ADGRF4: variants seen among roughly 807,000 people sequenced by gnomAD.
ADGRF4 encodes adhesion G protein-coupled receptor F4.
In ADGRF4, 63 loss-of-function variants were observed where a neutral mutation model predicts 58.5. The observed-to-expected ratio is 1.08, with a 90% confidence interval of 0.88 to 1.33. The LOEUF is 1.33. Ranked by LOEUF, ADGRF4 falls within the 40% of genes most tolerant of loss-of-function variation. The pLI, the probability that ADGRF4 is intolerant of heterozygous loss-of-function variation, is 0.00. For synonymous variants in ADGRF4, 313 were observed against 295.4 expected, an observed-to-expected ratio of 1.06 and a Z score of -0.61; for missense variants, 931 against 843.9, an observed-to-expected ratio of 1.10 and a Z score of -1.28.
rs1771845067 is a variant in ADGRF4 at position 47,710,861 on chromosome 6, G to A, written c.275G>A (p.Ser92Asn). 6.2e-7 allele frequency: 1 copy of A among 1,612,948 alleles called. No individual in the cohort carries two copies. The highest frequency in any genetic ancestry group is 8.5e-7 in the Non-Finnish European group (1 of 1,179,726). The change falls in exon 4 of 10, where the codon AGC (serine) becomes AAC (asparagine). Residue 92 changes from serine (S) to asparagine (N), a missense_variant. Physicochemically the swap from Ser to Asn is conservative, Grantham distance 46 (BLOSUM62 1). Transcript: ENST00000283303. Reference protein sequence around the residue: ...KWQKSAETCTSLSVEKLFKDS... With the variant: ...KWQKSAETCTNLSVEKLFKDS... ...CAAAAATCAGCTGAAACATGTACAA[G>A]CCTTTCTGTGGAAAAACTCTTTAAG...
chr6:47,715,141 G>A lies in ADGRF4; in HGVS notation c.1896G>A (p.Thr632=), dbSNP rs143358337. 6.1e-5 allele frequency: 97 copies of A among 1,592,672 alleles called. No individual in the cohort carries two copies. Among genetic ancestry groups the A allele is most frequent in the South Asian group, 1.0e-4 (9 of 90,172 alleles). ...CTCTCATAGAAGGCACTTCCTTGAC[G>A]TTCCATATAATTTTTGCCTTGCTCA... is the stretch of plus-strand genomic sequence containing the variant. The part of the protein sequence containing the change: ...IATLIEGTSL[T]FHIIFALLNA... Residue 632 remains threonine (T), a synonymous_variant, in exon 6 of 10, where the codon ACG becomes ACA. Coordinates refer to ENST00000283303, the MANE Select transcript of ADGRF4 (RefSeq NM_153838.5).
chr6:47,708,123 C>T, intron 2 of ADGRF4, 101 bp from the exon 3 acceptor site: 1 of 843,736 alleles, frequency 1.2e-6, no homozygotes, highest in Non-Finnish European at 1.9e-6. Flanking sequence ...CTTTCTAGTC[C>T]TGAACACATT....
intron 1 of ADGRF4, among the ~76,000 whole-genome samples, chr6:47,705,025 T>C (rs1409150505): frequency 6.6e-6 from 1 of 152,100 alleles, no homozygotes; most frequent in Non-Finnish European, 1.5e-5. Context: ...GTCTCCAGGG[T>C]TTCAGCGATT....
chr6:47,715,068 C>T lies in ADGRF4; in HGVS notation c.1823C>T (p.Ala608Val). 1 of 1,612,986 alleles carries T rather than the reference C, an allele frequency of 6.2e-7. No individual in the cohort carries two copies. The highest frequency in any genetic ancestry group is 8.5e-7 in the Non-Finnish European group (1 of 1,179,032). The change falls in exon 6 of 10, where the codon GCC becomes GTC. Residue 608 changes from alanine (A) to valine (V), a missense_variant. By Grantham distance (64) the Ala-to-Val change is moderately conservative. Coordinates refer to ENST00000283303, the MANE Select transcript of ADGRF4 (RefSeq NM_153838.5). ...ATTATGAGGATCAGCAAAAATGTTG[C>T]CATCCTCACTCCACTGCTGGGACTG... is the stretch of plus-strand genomic sequence containing the variant. ...VIIMRISKNV[A>V]ILTPLLGLTW... is the part of the protein sequence containing the mutation.
At position 47,698,671 on chromosome 6, in the gene ADGRF4, C is replaced by A. The variant is rs1771517379; in HGVS notation, c.-140C>A. ...CAAAAATGGAGAAGACAGATCACAGCCACTGACCAGGGACCGTGGGAGGTG... is the reference window on the plus strand; with the variant it reads ...CAAAAATGGAGAAGACAGATCACAGACACTGACCAGGGACCGTGGGAGGTG... On this transcript the variant is annotated 5_prime_UTR_variant, in exon 1 of 10. Coordinates refer to ENST00000283303, the MANE Select transcript of ADGRF4 (RefSeq NM_153838.5). 1 of 152,208 alleles carries A rather than the reference C, an allele frequency of 6.6e-6. No homozygotes were observed. Among genetic ancestry groups the A allele is most frequent in the Non-Finnish European group, 1.5e-5 (1 of 68,060 alleles). The allele number at this position is 152,208 out of a possible 1,614,324, so 9.4% of individuals were successfully genotyped here.
chr6:47,705,060 C>G (rs1196540768), intron 1 of ADGRF4, among the ~76,000 whole-genome samples: 1 of 152,116 alleles, frequency 6.6e-6, no homozygotes, highest in Non-Finnish European at 1.5e-5. Context: ...TCCAGAGTAG[C>G]TGGGACTACA....
In ADGRF4 at chr6:47,721,058, G is replaced by A. The variant is rs568230065; in HGVS notation, c.*4-151G>A. 3.3e-5 allele frequency among the ~76,000 whole-genome samples: 5 copies of A among 152,292 alleles called. No homozygotes were observed. In the South Asian group the frequency reaches 6.2e-4, roughly 19 times the overall value. ...TCTGACCTTGAGGAAATTACTCAAC[G>A]GCTCTGTGCTTCATTTCGTCTTCTG... On this transcript the variant is annotated intron_variant, in intron 9 of 9. Coordinates refer to ENST00000283303, the MANE Select transcript of ADGRF4 (RefSeq NM_153838.5).
intron 1 of ADGRF4, among the ~76,000 whole-genome samples, chr6:47,701,482 A>T (rs1402190803): frequency 6.6e-6 from 1 of 152,214 alleles, no homozygotes; most frequent in Admixed American, 6.5e-5. Flanking sequence ...AGCTGCCCTT[A>T]TTGGGTGACT....
In ADGRF4 at chr6:47,714,316, G is replaced by A; in HGVS notation, c.1071G>A (p.Arg357=). The change falls in exon 6 of 10, where the codon AGG becomes AGA. Residue 357 remains arginine (R), a synonymous_variant. Transcript: ENST00000283303. ...GTGTTGGCTGGCACTCCAAGAAAAG[G>A]AGATGGGATGAGAAAGCGTGCCAAA... The part of the protein sequence containing the change: ...AQCVGWHSKK[R]RWDEKACQMM... 1 of 1,614,186 alleles carries A rather than the reference G, an allele frequency of 6.2e-7. No individual in the cohort carries two copies. The highest frequency in any genetic ancestry group is 8.5e-7 in the Non-Finnish European group (1 of 1,180,036).
rs764964591 is a variant in ADGRF4, at chr6:47,714,382, C to T, written c.1137C>T (p.Asn379=). 1.2e-6 allele frequency: 2 copies of T among 1,614,162 alleles called. No individual in the cohort carries two copies. Among genetic ancestry groups the T allele is most frequent in the African/African-American group, 2.7e-5 (2 of 75,048 alleles). ...GGAACGAAGTGAAATGCCGCTGTAACTACACCAGTGTGGTGATGTCTTTTT... is the reference window on the plus strand; with the variant it reads ...GGAACGAAGTGAAATGCCGCTGTAATTACACCAGTGTGGTGATGTCTTTTT... The part of the protein sequence containing the change: ...DIRNEVKCRC[N]YTSVVMSFSI... The change falls in exon 6 of 10, where the codon AAC becomes AAT. Residue 379 remains asparagine (N), a synonymous_variant. Transcript: ENST00000283303.
intron 1 of ADGRF4, among the ~76,000 whole-genome samples, chr6:47,699,080 C>A (rs546590230): frequency 3.3e-5 from 5 of 152,256 alleles, no homozygotes; most frequent in Non-Finnish European, 7.4e-5. Flanking sequence ...AACTCACTGT[C>A]CCTGCATTGT....
rs368231375 is a variant in ADGRF4, at chr6:47,712,039, A to T, written c.301-318A>T. 2.2e-4 allele frequency among the ~76,000 whole-genome samples: 33 copies of T among 152,190 alleles called. 2 individuals are homozygous for T. The highest frequency in any genetic ancestry group is 1.2e-3 in the Admixed American group (18 of 15,282). On this transcript the variant is annotated intron_variant, in intron 4 of 9. Transcript: ENST00000283303. ...GCCAACCTCCCAAATCCACTCCCCCATGAAATTCCATGTGGTTCTTCTTTC... is the reference window on the plus strand; with the variant it reads ...GCCAACCTCCCAAATCCACTCCCCCTTGAAATTCCATGTGGTTCTTCTTTC...
At chr6:47,707,130 T>C (rs1336100189) in intron 1 of ADGRF4, 100 bp from the exon 2 acceptor site, 1 of 724,690 alleles carries the variant, frequency 1.4e-6, no homozygotes, top group African/African-American at 1.7e-5. Context: ...TATCTCAGAG[T>C]ATCTAGTGGG....
chr6:47,715,106 G>T lies in ADGRF4; in HGVS notation c.1861G>T (p.Gly621Ter), dbSNP rs1771981967. 1 of 1,606,832 alleles carries T rather than the reference G, an allele frequency of 6.2e-7. No individual in the cohort carries two copies. Among genetic ancestry groups the T allele is most frequent in the Admixed American group, 1.7e-5 (1 of 59,898 alleles). The change falls in exon 6 of 10, where the codon GGA becomes TGA. Residue 621 changes from glycine (G) to a stop codon, truncating the protein, a stop_gained. Transcript: ENST00000283303. LOFTEE classifies it high-confidence loss of function. Reference sequence around the variant, plus strand: ...ACTGCTGGGACTGACCTGGGGTTTTGGAATAGCCACTCTCATAGAAGGCAC... The same window carrying T: ...ACTGCTGGGACTGACCTGGGGTTTTTGAATAGCCACTCTCATAGAAGGCAC... Reference protein sequence around the residue: ...TPLLGLTWGFGIATLIEGTSL... With the variant: ...TPLLGLTWGF
Position 47,713,930 on chromosome 6 carries a change from A to G in ADGRF4, c.685A>G (p.Asn229Asp). Residue 229 changes from asparagine to aspartate, a missense_variant, in exon 6 of 10, where the codon AAT (asparagine) becomes GAT (aspartate). By Grantham distance (23) the Asn-to-Asp change is conservative. Transcript: ENST00000283303. ...NLFARQLHIHNNSENIVNELF... is the reference protein window; with the variant it reads ...NLFARQLHIHDNSENIVNELF... Reference sequence around the variant, plus strand: ...GTTTGCCAGACAACTCCACATCCACAATAATTCTGAGAACATTGTGAATGA... The same window carrying G: ...GTTTGCCAGACAACTCCACATCCACGATAATTCTGAGAACATTGTGAATGA... 2.5e-6 allele frequency: 4 copies of G among 1,610,530 alleles called. No individual in the cohort carries two copies. Among genetic ancestry groups the G allele is most frequent in the Non-Finnish European group, 2.5e-6 (3 of 1,178,292 alleles).
intron 6 of ADGRF4, among the ~76,000 whole-genome samples, chr6:47,715,999 T>TTTA (rs1329305305): frequency 7.3e-4 from 110 of 150,538 alleles, no homozygotes; most frequent in African/African-American, 2.5e-3. Context: ...TTTTTTTTTT[T>TTTA]ATCAAAGACT....
chr6:47,715,419 A>G, intron 6 of ADGRF4: 1 of 398,460 alleles, frequency 2.5e-6, no homozygotes, highest in South Asian at 5.9e-5. Flanking sequence ...TAAAGTTTCA[A>G]TGTTAGAAGA....
At chr6:47,720,094 T>C (rs532787697) in intron 9 of ADGRF4, among the ~76,000 whole-genome samples, 1 of 152,256 alleles carries the variant, frequency 6.6e-6, no homozygotes, top group East Asian at 1.9e-4. Context: ...GGCATCATGG[T>C]AGACCATGTT....
chr6:47,714,418 G>T lies in ADGRF4; in HGVS notation c.1173G>T (p.Met391Ile). 1.2e-6 allele frequency: 2 copies of T among 1,614,062 alleles called. No homozygotes were observed. The highest frequency in any genetic ancestry group is 1.7e-6 in the Non-Finnish European group (2 of 1,180,016). ...TGGTGATGTCTTTTTCCATTCTCAT[G>T]TCCTCCAAATCGATGACCGACAAAG... ...TSVVMSFSIL[M>I]SSKSMTDKVL... The change falls in exon 6 of 10, where the codon ATG becomes ATT. Residue 391 changes from methionine to isoleucine, a missense_variant. Met to Ile is a conservative substitution (Grantham distance 10). Coordinates refer to ENST00000283303, the MANE Select transcript of ADGRF4 (RefSeq NM_153838.5).
Sources: allele counts gnomAD v4.1 joint callset (sites outside exome capture counted in the v4.1 genomes callset), GRCh38; gene constraint gnomAD v4.1.1; transcripts MANE v1.5; gene names NCBI Gene and HGNC (gene_info 2026-07-23, HGNC 2026-07-21).